The following FBLN1 variants were observed in gnomAD, a reference collection of about 807,000 sequenced individuals.
FBLN1 encodes fibulin-1.
A neutral mutation model predicts 89.7 loss-of-function variants in FBLN1; 34 were observed. The ratio of observed to expected loss-of-function variants is 0.38; its 90% CI spans 0.29 to 0.50. The LOEUF (loss-of-function observed/expected upper bound fraction) is 0.50, where lower values mean the gene tolerates loss of function less well. FBLN1 is among the 20% of genes least tolerant of loss of function. FBLN1 has a pLI of 0.92. For missense variants in FBLN1, 777 were observed against 988.1 expected (o/e 0.79, Z 2.86); for synonymous variants, 393 against 391.3 (o/e 1.00, Z -0.05).
chr22:45,513,466 C>T (rs534353662), intron 1 of FBLN1, among the ~76,000 whole-genome samples: 1 of 152,048 alleles, frequency 6.6e-6, no homozygotes, highest in South Asian at 2.1e-4. Context: ...CCCACCAAAC[C>T]CGGCTAATTG....
In FBLN1 at chr22:45,574,578, G is replaced by T; in HGVS notation, c.1765G>T (p.Val589Leu). The change falls in exon 15 of 17, where the codon GTG (valine) becomes TTG (leucine). Residue 589 changes from valine (V) to leucine (L), a missense_variant. Transcript: ENST00000327858. This position sits in a 1 kb window ranked among gnomAD's most constrained non-coding sequence, Gnocchi z 4.1. Reference protein sequence around the residue: ...KSCRPNDVTCVFDPVHTISHT... With the variant: ...KSCRPNDVTCLFDPVHTISHT... ...CTGCCGCCCCAACGATGTCACATGC[G>T]TGTTCGACCCCGTGCACACCATCTC... 6.2e-7 allele frequency: 1 copy of T among 1,614,128 alleles called. No individual in the cohort carries two copies. Among genetic ancestry groups the T allele is most frequent in the Non-Finnish European group, 8.5e-7 (1 of 1,180,010 alleles).
At chr22:45,568,471 CCTTCTGTAGGGGAATGCCT>C (rs1245375106) in intron 14 of FBLN1, among the ~76,000 whole-genome samples, 2,548 of 102,578 alleles carry the variant, frequency 0.025, 120 homozygotes, top group South Asian at 0.035. Flanking sequence ...GGGGAGTGCT[CCTTCTGTAGGGGAATGCCT>C]CTTCTGTAGG....
chr22:45,559,744 T>C (rs2088829590), intron 14 of FBLN1, among the ~76,000 whole-genome samples: 1 of 152,180 alleles, frequency 6.6e-6, no homozygotes, highest in Admixed American at 6.5e-5. Context: ...AGAATCAGTG[T>C]CCAATAGTCC....
rs781024644 is a variant in FBLN1, at chr22:45,535,188, A to G, written c.785-12A>G. 1.2e-6 allele frequency: 2 copies of G among 1,613,950 alleles called. No individual in the cohort carries two copies. The highest frequency in any genetic ancestry group is 1.7e-6 in the Non-Finnish European group (2 of 1,179,978). On this transcript the variant is annotated splice_polypyrimidine_tract_variant and intron_variant, in intron 7 of 16. Coordinates refer to ENST00000327858, the MANE Select transcript of FBLN1 (RefSeq NM_006486.3). Reference sequence around the variant, plus strand: ...CTCTTGCTAACAATTTCCTTTTTTTATGATGTACCAGATATTGACGAGTGT... The same window carrying G: ...CTCTTGCTAACAATTTCCTTTTTTTGTGATGTACCAGATATTGACGAGTGT...
intron 16 of FBLN1, among the ~76,000 whole-genome samples, chr22:45,598,601 C>T (rs2089205693): frequency 6.6e-6 from 1 of 152,214 alleles, no homozygotes; most frequent in African/African-American, 2.4e-5. Context: ...CATTCTCGCC[C>T]CCGCTGGACA....
At chr22:45,598,049 G>T (rs564353607) in intron 16 of FBLN1, among the ~76,000 whole-genome samples, 2 of 152,192 alleles carry the variant, frequency 1.3e-5, no homozygotes, top group Non-Finnish European at 2.9e-5. Flanking sequence ...GGCTGTCACC[G>T]TGCACGTTTC....
rs1337793420 is a variant in FBLN1, at chr22:45,537,680, G to C, written c.922+2343G>C. ...AGTGAGCCCTTAGGACAGGGGCCTC[G>C]TCTGAAACCCGCCCCAGCCTTCCTC... On this transcript the variant is annotated intron_variant, in intron 8 of 16. Transcript: ENST00000327858. This position sits in a 1 kb window ranked among gnomAD's most constrained non-coding sequence, Gnocchi z 5.7. Among the ~76,000 whole-genome samples, 1 of 151,650 alleles carries C rather than the reference G, an allele frequency of 6.6e-6. No individual in the cohort carries two copies. Among genetic ancestry groups the C allele is most frequent in the African/African-American group, 2.4e-5 (1 of 41,306 alleles).
intron 1 of FBLN1, chr22:45,517,731 G>A (rs186478353): frequency 8.6e-5 from 37 of 429,380 alleles, no homozygotes; most frequent in Admixed American, 8.0e-4. Context: ...CACCAGCCTC[G>A]GTTTCCTCAA....
Position 45,580,430 on chromosome 22 carries a change from A to G in FBLN1, c.1972+3322A>G, listed in dbSNP as rs1601536125. On this transcript the variant is annotated intron_variant, in intron 16 of 16. Transcript: ENST00000327858. This position sits in a 1 kb window ranked among gnomAD's most constrained non-coding sequence, Gnocchi z 8.6. The stretch of plus-strand genomic sequence containing the variant: ...CCGGATCAGGAGGGCTTCCTGGAGG[A>G]GGTGAGGCCCGAGCTGAGTGTCCTT... 1.3e-5 allele frequency among the ~76,000 whole-genome samples: 2 copies of G among 152,094 alleles called. No homozygotes were observed. Among genetic ancestry groups the G allele is most frequent in the African/African-American group, 4.8e-5 (2 of 41,416 alleles).
intron 4 of FBLN1, among the ~76,000 whole-genome samples, chr22:45,528,420 C>G (rs746990394): frequency 6.6e-6 from 1 of 152,072 alleles, no homozygotes; most frequent in African/African-American, 2.4e-5. Context: ...TCTTGGCTCA[C>G]GGCAACCTCC....
chr22:45,508,341 A>G (rs2088052496), intron 1 of FBLN1, among the ~76,000 whole-genome samples: 1 of 140,638 alleles, frequency 7.1e-6, no homozygotes, highest in Non-Finnish European at 1.5e-5. Flanking sequence ...GGCTCACTGC[A>G]ACCTCTGCCT....
In FBLN1 at chr22:45,563,459, A is replaced by C; in HGVS notation, c.1698-11052A>C. The C allele has an allele frequency of 8.2e-7, 1 of 1,225,134 alleles. No homozygotes were observed. Among genetic ancestry groups the C allele is most frequent in the Non-Finnish European group, 1.1e-6 (1 of 897,988 alleles). The allele number at this position is 1,225,134 out of a possible 1,614,324, so 75.9% of individuals were successfully genotyped here. On this transcript the variant is annotated intron_variant, in intron 14 of 16. Coordinates refer to ENST00000327858, the MANE Select transcript of FBLN1 (RefSeq NM_006486.3). This position sits in a 1 kb window ranked among gnomAD's most constrained non-coding sequence, Gnocchi z 5.7. ...CACTGGCCACCGCCTGGTACCCCCG[A>C]GGGCTGACTGAGGAGCGCTCCCCAC... is the stretch of plus-strand genomic sequence containing the variant.
At chr22:45,570,179 G>C (rs1345316125) in intron 14 of FBLN1, among the ~76,000 whole-genome samples, 2 of 151,538 alleles carry the variant, frequency 1.3e-5, no homozygotes, top group Non-Finnish European at 2.9e-5. Context: ...AATTAGCCAG[G>C]CATGGTGGCA....
chr22:45,540,376 G>A (rs1311334937), intron 8 of FBLN1, among the ~76,000 whole-genome samples: 1 of 152,164 alleles, frequency 6.6e-6, no homozygotes, highest in East Asian at 1.9e-4. Flanking sequence ...ATTGCTGCAC[G>A]GTCAGCGCGA....
Position 45,542,220 on chromosome 22 carries a change from G to A in FBLN1, c.1132G>A (p.Gly378Ser), listed in dbSNP as rs1209113994. 5.6e-6 allele frequency: 9 copies of A among 1,614,034 alleles called. No individual in the cohort carries two copies. The highest frequency in any genetic ancestry group is 3.3e-5 in the South Asian group (3 of 91,082). The part of the protein sequence containing the change: ...GKGHRCVNSP[G>S]SFRCECKTGY... ...GGGACATCGCTGCGTGAACTCTCCC[G>A]GCAGTTTCCGCTGCGAATGCAAGAC... is the stretch of plus-strand genomic sequence containing the variant. Residue 378 changes from glycine to serine, a missense_variant, in exon 10 of 17, where the codon GGC becomes AGC. Coordinates refer to ENST00000327858, the MANE Select transcript of FBLN1 (RefSeq NM_006486.3).
Position 45,590,013 on chromosome 22 carries a change from C to T in FBLN1, c.1973-10294C>T, listed in dbSNP as rs1051054028. Among the ~76,000 whole-genome samples the T allele has an allele frequency of 4.6e-5, 7 of 152,212 alleles. No homozygotes were observed. The highest frequency in any genetic ancestry group is 4.6e-4 in the Admixed American group (7 of 15,290). ...TTATCAGCCTCTGCTGCCCCAATCC[C>T]CTGTGCCTGCTCTCCCAGTGGCTGA... is the stretch of plus-strand genomic sequence containing the variant. On this transcript the variant is annotated intron_variant, in intron 16 of 16. Coordinates refer to ENST00000327858, the MANE Select transcript of FBLN1 (RefSeq NM_006486.3). The surrounding 1 kb of genome is among the most constrained non-coding windows in gnomAD (Gnocchi z 4.1).
intron 2 of FBLN1, among the ~76,000 whole-genome samples, chr22:45,524,562 T>G (rs1333270867): frequency 6.6e-6 from 1 of 152,116 alleles, no homozygotes; most frequent in Non-Finnish European, 1.5e-5. Context: ...TCAGAAGCTG[T>G]TTGCTCTGAG....
chr22:45,506,081 T>C (rs181844237), intron 1 of FBLN1, among the ~76,000 whole-genome samples: 5 of 152,314 alleles, frequency 3.3e-5, no homozygotes, highest in Non-Finnish European at 5.9e-5. Flanking sequence ...AGCCCTGTTA[T>C]TAATGTTAGC....
Position 45,597,218 on chromosome 22 carries a change from G to T in FBLN1, c.1973-3089G>T, listed in dbSNP as rs1340356762. Among the ~76,000 whole-genome samples, 1 of 152,162 alleles carries T rather than the reference G, an allele frequency of 6.6e-6. No individual in the cohort carries two copies. The highest frequency in any genetic ancestry group is 2.4e-5 in the African/African-American group (1 of 41,424). Reference sequence around the variant, plus strand: ...GGGTTTTGCCACGTTGCCCACGCTGGTCTCGAACTCATGGGCTTGTGATCT... The same window carrying T: ...GGGTTTTGCCACGTTGCCCACGCTGTTCTCGAACTCATGGGCTTGTGATCT... On this transcript the variant is annotated intron_variant, in intron 16 of 16. Coordinates refer to ENST00000327858, the MANE Select transcript of FBLN1 (RefSeq NM_006486.3). This position sits in a 1 kb window ranked among gnomAD's most constrained non-coding sequence, Gnocchi z 4.2.
Sources: gnomAD v4.1 joint callset for allele counts (sites outside exome capture counted in the v4.1 genomes callset) on GRCh38, gnomAD v4.1.1 for gene constraint, Gnocchi (gnomAD v3.1) non-coding constraint, MANE v1.5 for transcripts, NCBI Gene and HGNC (gene_info 2026-07-23, HGNC 2026-07-21) for gene names.